The following MOCOS variants were observed in gnomAD, a reference collection of about 807,000 sequenced individuals.
MOCOS encodes molybdenum cofactor sulfurase.
A neutral mutation model predicts 83.6 loss-of-function variants in MOCOS; 86 were observed. The ratio of observed to expected loss-of-function variants is 1.03; its 90% CI spans 0.86 to 1.23. The LOEUF (loss-of-function observed/expected upper bound fraction) is 1.23. MOCOS is among the 50% of genes most tolerant of loss of function. The probability of loss-of-function intolerance (pLI) is 0.00; values close to 1 mark genes in which losing one functional copy is unlikely to be tolerated. For missense variants in MOCOS, 1,120 were observed against 1,126.9 expected (o/e 0.99, Z 0.09); for synonymous variants, 445 against 434.7 (o/e 1.02, Z -0.29).
At chr18:36,201,581 G>C (rs565272664) in intron 4 of MOCOS, among the ~76,000 whole-genome samples, 1 of 147,622 alleles carries the variant, frequency 6.8e-6, no homozygotes, top group Non-Finnish European at 1.5e-5. Flanking sequence ...AGAATTGCTT[G>C]AGCCCAGGAG....
At chr18:36,257,910 C>T (rs1598594636) in intron 12 of MOCOS, among the ~76,000 whole-genome samples, 1 of 152,222 alleles carries the variant, frequency 6.6e-6, no homozygotes. Flanking sequence ...TAAGCCACCT[C>T]GTCCGCCTCT....
chr18:36,195,763 C>T (rs1458144004), intron 2 of MOCOS, among the ~76,000 whole-genome samples: 1 of 152,202 alleles, frequency 6.6e-6, no homozygotes, highest in Non-Finnish European at 1.5e-5. Flanking sequence ...ATAAACATAT[C>T]CCTTTCTTCT....
At chr18:36,248,850 T>A in intron 9 of MOCOS, 72 bp from the exon 10 acceptor site, 1 of 1,247,028 alleles carries the variant, frequency 8.0e-7, no homozygotes, top group Admixed American at 1.8e-5. Context: ...TACAGCTTTG[T>A]AGTATATTTT....
intron 6 of MOCOS, 96 bp from the exon 7 acceptor site, chr18:36,213,270 A>G (rs900530944): frequency 1.7e-5 from 16 of 917,906 alleles, no homozygotes; most frequent in Non-Finnish European, 2.5e-5. Context: ...TCATCATTTT[A>G]TTATTAGGAA....
intron 9 of MOCOS, among the ~76,000 whole-genome samples, 199 bp downstream of exon 9, chr18:36,220,416 C>T (rs557733870): frequency 3.3e-5 from 5 of 151,460 alleles, no homozygotes; most frequent in African/African-American, 9.7e-5. Flanking sequence ...GGCTGAGGCA[C>T]AAGAATCACT....
At chr18:36,238,546 A>G (rs2091568483) in intron 9 of MOCOS, among the ~76,000 whole-genome samples, 1 of 148,070 alleles carries the variant, frequency 6.8e-6, no homozygotes, top group African/African-American at 2.5e-5. Context: ...GGAGTGCTTT[A>G]CTTCCAACTA....
At chr18:36,257,507 T>A (rs1213228344) in intron 12 of MOCOS, among the ~76,000 whole-genome samples, 3 of 152,122 alleles carry the variant, frequency 2.0e-5, no homozygotes, top group African/African-American at 7.2e-5. Flanking sequence ...AAAGTTGTAA[T>A]TGCAGGCACA....
At chr18:36,266,282 T>C (rs2071434169) in intron 13 of MOCOS, among the ~76,000 whole-genome samples, 1 of 152,108 alleles carries the variant, frequency 6.6e-6, no homozygotes, top group Admixed American at 6.5e-5. Flanking sequence ...ATTACAGGCA[T>C]GCATCACCAC....
intron 6 of MOCOS, among the ~76,000 whole-genome samples, chr18:36,207,414 C>T (rs1180963243): frequency 6.6e-6 from 1 of 152,214 alleles, no homozygotes; most frequent in African/African-American, 2.4e-5. Context: ...TACATTCCCA[C>T]TAGCAGTGTA....
At position 36,199,809 on chromosome 18, in the gene MOCOS, G is replaced by A. The variant is rs200042891; in HGVS notation, c.426G>A (p.Gly142=). 2 of 1,614,140 alleles carry A rather than the reference G, an allele frequency of 1.2e-6. No individual in the cohort carries two copies. The highest frequency in any genetic ancestry group is 1.7e-6 in the Non-Finnish European group (2 of 1,180,030). The change falls in exon 4 of 15, where the codon GGG becomes GGA. Residue 142 remains glycine, a synonymous_variant. Transcript: ENST00000261326. The part of the protein sequence containing the change: ...PWVSQGPESS[G]SRFCYLTDSH... ...TGTCCCAGGGCCCAGAGAGCAGTGG[G>A]AGTCGCTTCTGTTACCTCACCGACA...
intron 13 of MOCOS, among the ~76,000 whole-genome samples, chr18:36,266,510 C>A (rs1054832695): frequency 4.6e-5 from 7 of 152,194 alleles, no homozygotes; most frequent in African/African-American, 7.2e-5. Flanking sequence ...CATTCTCCAA[C>A]ATTTCCTGAG....
chr18:36,239,600 A>G lies in MOCOS; in HGVS notation c.1961-9322A>G, dbSNP rs555840889. On this transcript the variant is annotated intron_variant, in intron 9 of 14. Coordinates refer to ENST00000261326, the MANE Select transcript of MOCOS (RefSeq NM_017947.4). ...CTTCATTTCAACTTTAGTGAATCTG[A>G]CAATTATGTGTCTTGGAGTTGCTCT... is the stretch of plus-strand genomic sequence containing the variant. 2.1e-3 allele frequency among the ~76,000 whole-genome samples: 303 copies of G among 145,418 alleles called. 1 individual carries two copies. Among genetic ancestry groups the G allele is most frequent in the African/African-American group, 7.3e-3 (279 of 38,404 alleles).
chr18:36,216,574 C>T (rs1488162502), intron 8 of MOCOS, among the ~76,000 whole-genome samples: 2 of 152,042 alleles, frequency 1.3e-5, no homozygotes, highest in Non-Finnish European at 2.9e-5. Flanking sequence ...GAAGCTCAAC[C>T]CTACTATAGA....
In MOCOS at chr18:36,268,692, T is replaced by A. The variant is rs1022275606; in HGVS notation, c.*7T>A. ...CCAGGATGTTACCTCCTAAAAAAAA[T>A]TTTTAGCATAAAGTTTCTCTTTTAC... On this transcript the variant is annotated 3_prime_UTR_variant, in exon 15 of 15. Transcript: ENST00000261326. The A allele has an allele frequency of 4.0e-6, 6 of 1,483,724 alleles. No individual in the cohort carries two copies. Among genetic ancestry groups the A allele is most frequent in the African/African-American group, 2.5e-5 (1 of 40,652 alleles). 91.9% of individuals were successfully genotyped at this position (1,483,724 alleles called of 1,614,324 possible).
At chr18:36,216,206 T>C (rs1051963040) in intron 8 of MOCOS, among the ~76,000 whole-genome samples, 3 of 152,198 alleles carry the variant, frequency 2.0e-5, no homozygotes, top group Non-Finnish European at 4.4e-5. Flanking sequence ...TCATTACTCT[T>C]ATTAATTATA....
At chr18:36,249,856 G>C (rs2091615542) in intron 10 of MOCOS, among the ~76,000 whole-genome samples, 1 of 152,136 alleles carries the variant, frequency 6.6e-6, no homozygotes, top group Admixed American at 6.5e-5. Flanking sequence ...TAGCTTTCAG[G>C]TGATAACTCA....
intron 13 of MOCOS, among the ~76,000 whole-genome samples, chr18:36,264,168 A>G (rs144153244): frequency 6.6e-6 from 1 of 152,290 alleles, no homozygotes; most frequent in African/African-American, 2.4e-5. Flanking sequence ...GATAAGAGTG[A>G]AACTTCACCT....
At chr18:36,255,521 G>A (rs1259031644) in intron 11 of MOCOS, among the ~76,000 whole-genome samples, 7 of 152,150 alleles carry the variant, frequency 4.6e-5, no homozygotes, top group Non-Finnish European at 8.8e-5. Flanking sequence ...GTTGGTCCCT[G>A]AGGGAGTGTG....
intron 11 of MOCOS, among the ~76,000 whole-genome samples, chr18:36,252,130 C>G (rs376414542): frequency 1.3e-5 from 2 of 152,128 alleles, no homozygotes; most frequent in Non-Finnish European, 2.9e-5. Flanking sequence ...CATAGTTGCT[C>G]AATACATGGC....
Sources: allele counts gnomAD v4.1 joint callset (sites outside exome capture counted in the v4.1 genomes callset), GRCh38; gene constraint gnomAD v4.1.1; transcripts MANE v1.5; gene names NCBI Gene and HGNC (gene_info 2026-07-23, HGNC 2026-07-21).